NLGN4X: variants seen among roughly 807,000 people sequenced by gnomAD.
NLGN4X encodes the protein neuroligin 4 X-linked, also known as neuroligin-4, X-linked.
A neutral mutation model predicts 40.3 loss-of-function variants in NLGN4X; 3 were observed. The observed-to-expected ratio is 0.07, with a 90% CI of 0.03 to 0.19. The LOEUF is 0.19. Among genes scored for constraint, NLGN4X ranks in the 10% least tolerant of loss-of-function variants. NLGN4X has a pLI of 1.00. For synonymous variants in NLGN4X, 270 were observed against 306.8 expected (o/e 0.88, Z 1.25); for missense variants, 382 against 708.3 (o/e 0.54, Z 5.23).
chrX:6,169,472 G>C (rs2040561435), intron 1 of NLGN4X, among the ~76,000 whole-genome samples: 1 of 112,902 alleles, frequency 8.9e-6, no homozygotes, highest in Non-Finnish European at 1.9e-5. Flanking sequence ...TTTGAAGCTT[G>C]GCAAAGGCCA....
At chrX:5,944,696 A>AACT (rs2034068832) in intron 3 of NLGN4X, among the ~76,000 whole-genome samples, 1 of 109,249 alleles carries the variant, frequency 9.2e-6, no homozygotes, top group Admixed American at 9.9e-5. Flanking sequence ...GAAATTAATG[A>AACT]ACTACTTTAA....
intron 3 of NLGN4X, among the ~76,000 whole-genome samples, chrX:5,979,211 C>A (rs763056939): frequency 2.7e-5 from 3 of 111,022 alleles, no homozygotes; most frequent in Non-Finnish European, 3.8e-5. Flanking sequence ...GCCTCTTAGG[C>A]TTGGCATAAT....
Position 6,066,741 on chromosome X carries a change from C to T in NLGN4X, c.473-37309G>A, listed in dbSNP as rs377434429. ...CAGAGGTTGCAGTGAGCCAAGATCG[C>T]GTCATTGCACTCCAGCCTGGGTGAC... On this transcript the variant is annotated intron_variant, in intron 2 of 5. Coordinates refer to ENST00000381095, the MANE Select transcript of NLGN4X (RefSeq NM_181332.3). Among the ~76,000 whole-genome samples, 24 of 110,448 alleles carry T rather than the reference C, an allele frequency of 2.2e-4. No homozygotes were observed. In the East Asian group the frequency reaches 3.2e-3, roughly 15 times the overall value.
chrX:6,226,114 A>ACG (rs1171970913), intron 1 of NLGN4X, among the ~76,000 whole-genome samples: 1 of 100,832 alleles, frequency 9.9e-6, no homozygotes, highest in Non-Finnish European at 2.0e-5. Flanking sequence ...TGAATTCGTG[A>ACG]CGCGCGCGCC....
At chrX:6,223,002 A>G (rs1361605576) in intron 1 of NLGN4X, among the ~76,000 whole-genome samples, 1 of 110,755 alleles carries the variant, frequency 9.0e-6, no homozygotes, top group African/African-American at 3.3e-5. Context: ...CAAATTACCC[A>G]GTCTTGGGTA....
intron 2 of NLGN4X, among the ~76,000 whole-genome samples, chrX:6,070,933 G>A (rs749397199): frequency 7.2e-5 from 8 of 111,285 alleles, no homozygotes; most frequent in Admixed American, 1.9e-4. Context: ...ATCATCTCCC[G>A]CCAGATTCCT....
chrX:6,163,232 A>G (rs2040434749), intron 1 of NLGN4X, among the ~76,000 whole-genome samples: 2 of 112,240 alleles, frequency 1.8e-5, no homozygotes, highest in South Asian at 7.4e-4. Flanking sequence ...CAGTGTGAAA[A>G]AAGACTAATA....
At chrX:5,977,748 G>A (rs1263420670) in intron 3 of NLGN4X, among the ~76,000 whole-genome samples, 1 of 111,247 alleles carries the variant, frequency 9.0e-6, no homozygotes, top group Non-Finnish European at 1.9e-5. Context: ...AAATTAGGTA[G>A]ATGTGGCTCA....
chrX:6,225,011 T>TATATATACAC (rs1461463258), intron 1 of NLGN4X, among the ~76,000 whole-genome samples: 3 of 49,542 alleles, frequency 6.1e-5, no homozygotes, highest in African/African-American at 1.5e-4. Context: ...TATATATATA[T>TATATATACAC]ACACACACAC....
intron 2 of NLGN4X, among the ~76,000 whole-genome samples, chrX:6,067,729 T>C (rs757769534): frequency 4.0e-4 from 44 of 111,113 alleles, no homozygotes; most frequent in African/African-American, 1.4e-3. Context: ...TTATTACCAT[T>C]CTGCTTGCAA....
In NLGN4X at chrX:5,964,873, A is replaced by G. The variant is rs757688616; in HGVS notation, c.626-55634T>C. 7.1e-5 allele frequency among the ~76,000 whole-genome samples: 8 copies of G among 112,311 alleles called. No homozygotes were observed. The Admixed American group carries it at 7.6e-4, about 11-fold the overall frequency. On this transcript the variant is annotated intron_variant, in intron 3 of 5. Coordinates refer to ENST00000381095, the MANE Select transcript of NLGN4X (RefSeq NM_181332.3). The stretch of plus-strand genomic sequence containing the variant: ...TAGTCAGATACAAGAGATAGCTCCT[A>G]TAGCTTTACTAATGCTATGCAACTT...
intron 1 of NLGN4X, among the ~76,000 whole-genome samples, chrX:6,162,456 G>C (rs749963611): frequency 1.8e-5 from 2 of 111,634 alleles, no homozygotes; most frequent in Non-Finnish European, 3.8e-5. Context: ...ATATAAAGCA[G>C]AGACAGAAAA....
At chrX:6,144,775 T>G (rs1400164280) in intron 2 of NLGN4X, among the ~76,000 whole-genome samples, 1 of 111,763 alleles carries the variant, frequency 8.9e-6, no homozygotes, top group Admixed American at 9.6e-5. Flanking sequence ...TTGGAAGGTC[T>G]GCTGATTAGC....
intron 1 of NLGN4X, among the ~76,000 whole-genome samples, chrX:6,152,712 A>T (rs745730673): frequency 7.1e-5 from 8 of 112,444 alleles, no homozygotes; most frequent in African/African-American, 1.3e-4. Flanking sequence ...ACACTATACA[A>T]GATGGTGCAT....
rs1491203745 is a variant in NLGN4X, at chrX:5,997,565, CAT to C, written c.625+31713_625+31714del. On this transcript the variant is annotated intron_variant, in intron 3 of 5. Transcript: ENST00000381095. Reference sequence around the variant, plus strand: ...TATACACATTTAATATATAAAATTACATGTGTGTGTGTGTGTGTGTGTATATA... The same window carrying C: ...TATACACATTTAATATATAAAATTACGTGTGTGTGTGTGTGTGTGTATATA... Among the ~76,000 whole-genome samples the C allele has an allele frequency of 2.1e-3, 141 of 68,063 alleles. 2 individuals are homozygous for C. Among genetic ancestry groups the C allele is most frequent in the African/African-American group, 5.6e-3 (119 of 21,310 alleles). 59.1% of individuals were successfully genotyped at this position (68,063 alleles called of 115,157 possible). A position where few individuals can be genotyped will look rare whatever the true frequency, so the allele number is the denominator to read the frequency against.
At chrX:6,169,104 C>G (rs1405001402) in intron 1 of NLGN4X, among the ~76,000 whole-genome samples, 2 of 111,638 alleles carry the variant, frequency 1.8e-5, no homozygotes, top group Non-Finnish European at 3.8e-5. Flanking sequence ...CAAGGCAAGA[C>G]AGATCAAAGG....
intron 3 of NLGN4X, among the ~76,000 whole-genome samples, chrX:5,921,978 A>C (rs1037893111): frequency 7.2e-5 from 8 of 111,819 alleles, no homozygotes; most frequent in African/African-American, 2.6e-4. Context: ...CAGCCACTGC[A>C]GAAGGAAAGA....
intron 3 of NLGN4X, among the ~76,000 whole-genome samples, chrX:5,950,587 T>C (rs1208705244): frequency 8.9e-6 from 1 of 112,058 alleles, no homozygotes; most frequent in African/African-American, 3.2e-5. Context: ...ATATGTGTCA[T>C]ATAATAGTGG....
intron 3 of NLGN4X, among the ~76,000 whole-genome samples, chrX:6,010,547 T>TATTATTATTATTATTATTTC (rs2036226530): frequency 1.9e-5 from 2 of 107,583 alleles, no homozygotes; most frequent in Non-Finnish European, 3.8e-5. Flanking sequence ...ATTATTATTT[T>TATTATTATTATTATTATTTC]AGACGAAGTC....
Sources: gnomAD v4.1 joint callset for allele counts (sites outside exome capture counted in the v4.1 genomes callset) on GRCh38, gnomAD v4.1.1 for gene constraint, MANE v1.5 for transcripts, NCBI Gene and HGNC (gene_info 2026-07-23, HGNC 2026-07-21) for gene names.